The following ZMYND8 variants were observed in gnomAD, a reference collection of about 807,000 sequenced individuals.
ZMYND8 encodes zinc finger MYND-type containing 8, also known as MYND-type zinc finger-containing chromatin reader ZMYND8.
A neutral mutation model predicts 140.8 loss-of-function variants in ZMYND8; 37 were observed. That is an observed-to-expected ratio of 0.26 (90% CI 0.20 to 0.35). The LOEUF (loss-of-function observed/expected upper bound fraction) is 0.35. Ranked by LOEUF, ZMYND8 falls within the 10% of genes least tolerant of loss-of-function variation. The probability of loss-of-function intolerance (pLI) is 1.00; values close to 1 mark genes in which losing one functional copy is unlikely to be tolerated. For synonymous variants in ZMYND8, 592 were observed against 597.1 expected, an observed-to-expected ratio of 0.99 and a Z score of 0.12; for missense variants, 1,068 against 1,570.0, an observed-to-expected ratio of 0.68 and a Z score of 5.40.
At chr20:47,218,101 C>A (rs1034688411) in intron 21 of ZMYND8, among the ~76,000 whole-genome samples, 4 of 152,184 alleles carry the variant, frequency 2.6e-5, no homozygotes, top group Non-Finnish European at 5.9e-5. Context: ...ATGCGGCCTG[C>A]AAAACCTAAA....
At chr20:47,233,006 A>G (rs889306631) in intron 16 of ZMYND8, among the ~76,000 whole-genome samples, 1 of 150,836 alleles carries the variant, frequency 6.6e-6, no homozygotes, top group African/African-American at 2.5e-5. Flanking sequence ...CCCTGGGTTC[A>G]AGCAATTCTC....
chr20:47,318,650 C>T (rs2079620226), intron 2 of ZMYND8: 1 of 447,102 alleles, frequency 2.2e-6, no homozygotes, highest in Non-Finnish European at 4.5e-6. Context: ...CTGACCGTCT[C>T]TTAGACCCAC....
Position 47,220,295 on chromosome 20 carries a change from C to A in ZMYND8, c.3447G>T (p.Thr1149=). The stretch of plus-strand genomic sequence containing the variant: ...TGGAGCCTAAGAGAATGGAGGAGGG[C>A]GTCTCTCTGGAGCCAGAAAGGTCAA... ...STLDLSGSRE[T]PSSILLGSNQ... Residue 1149 remains threonine, a synonymous_variant, in exon 21 of 23, where the codon ACG becomes ACT. Transcript: ENST00000471951. 1 of 1,564,716 alleles carries A rather than the reference C, an allele frequency of 6.4e-7. No individual in the cohort carries two copies. Among genetic ancestry groups the A allele is most frequent in the Non-Finnish European group, 8.7e-7 (1 of 1,153,606 alleles).
rs866661509 is a variant in ZMYND8, at chr20:47,302,212, C to T, written c.235-3265G>A. 1.3e-3 allele frequency among the ~76,000 whole-genome samples: 202 copies of T among 152,270 alleles called. 1 individual carries two copies. The highest frequency in any genetic ancestry group is 9.4e-4 in the African/African-American group (39 of 41,552). On this transcript the variant is annotated intron_variant, in intron 3 of 22. Coordinates refer to ENST00000471951, the MANE Select transcript of ZMYND8 (RefSeq NM_001281775.3). ...TATGTTTAGGCCAGGCGTGGTGGCA[C>T]GCCTGTAATGTCAGCACTTTGGGAG...
chr20:47,236,512 G>C lies in ZMYND8; in HGVS notation c.2670C>G (p.Val890=). Residue 890 remains valine, a synonymous_variant, in exon 16 of 23, where the codon GTC becomes GTG. Coordinates refer to ENST00000471951, the MANE Select transcript of ZMYND8 (RefSeq NM_001281775.3). The part of the protein sequence containing the change: ...RYQTRQAVKA[V]QQKEITQSPS... ...GGCTCTGTGTGATCTCCTTCTGCTG[G>C]ACAGCTAGGAAGGCAAAGCATCCTG... 1 of 1,564,510 alleles carries C rather than the reference G, an allele frequency of 6.4e-7. No individual in the cohort carries two copies. The highest frequency in any genetic ancestry group is 2.3e-5 in the East Asian group (1 of 43,946).
At chr20:47,258,856 C>T (rs2074951737) in intron 12 of ZMYND8, among the ~76,000 whole-genome samples, 1 of 152,192 alleles carries the variant, frequency 6.6e-6, no homozygotes, top group Non-Finnish European at 1.5e-5. Context: ...AGCTGATCCT[C>T]TTCCCGTTAG....
At position 47,235,706 on chromosome 20, in the gene ZMYND8, C is replaced by CAA. The variant is rs199680083; in HGVS notation, c.2856+618_2856+619dup. On this transcript the variant is annotated intron_variant, in intron 16 of 22. Transcript: ENST00000471951. ...TGGGGAACAGAGTGAGACTCCATCT[C>CAA]AAAAAAAAAAAAAAGCACTTGGCAA... Among the ~76,000 whole-genome samples the CAA allele has an allele frequency of 1.3e-3, 138 of 107,500 alleles. 4 individuals carry two copies. In the South Asian group the frequency reaches 0.039, roughly 30 times the overall value. 70.5% of individuals were successfully genotyped at this position (107,500 alleles called of 152,430 possible). A position where few individuals can be genotyped will look rare whatever the true frequency, so the allele number is the denominator to read the frequency against.
chr20:47,307,593 G>C lies in ZMYND8; in HGVS notation c.234+2463C>G, dbSNP rs996263613. Among the ~76,000 whole-genome samples the C allele has an allele frequency of 4.6e-5, 7 of 152,104 alleles. No individual in the cohort carries two copies. The East Asian group carries it at 1.4e-3, about 29-fold the overall frequency. Reference sequence around the variant, plus strand: ...CATCTCTTAAAAAGAGGGTAGGCTGGGCACAGTGGCTCACGCCAGAGGTCA... The same window carrying C: ...CATCTCTTAAAAAGAGGGTAGGCTGCGCACAGTGGCTCACGCCAGAGGTCA... On this transcript the variant is annotated intron_variant, in intron 3 of 22. Transcript: ENST00000471951.
chr20:47,304,967 G>C (rs1349960946), intron 3 of ZMYND8, among the ~76,000 whole-genome samples: 1 of 152,174 alleles, frequency 6.6e-6, no homozygotes, highest in Admixed American at 6.5e-5. Flanking sequence ...TGTGGGCCTA[G>C]TGCAGTGGTT....
In ZMYND8 at chr20:47,220,451, C is replaced by T. The variant is rs2036781034; in HGVS notation, c.3418-127G>A. 3 of 802,844 alleles carry T rather than the reference C, an allele frequency of 3.7e-6. 1 individual carries two copies. The highest frequency in any genetic ancestry group is 2.0e-6 in the Non-Finnish European group (1 of 491,668). 49.7% of individuals were successfully genotyped at this position (802,844 alleles called of 1,614,324 possible). A position where few individuals can be genotyped will look rare whatever the true frequency, so the allele number is the denominator to read the frequency against. ...AAGCATCTCAGTGTCCTCTGCCTGG[C>T]ACGGTCAGGTGGGAGTGATGGGCAC... is the stretch of plus-strand genomic sequence containing the variant. On this transcript the variant is annotated intron_variant, in intron 20 of 22. Coordinates refer to ENST00000471951, the MANE Select transcript of ZMYND8 (RefSeq NM_001281775.3).
At chr20:47,302,636 A>C (rs762396972) in intron 3 of ZMYND8, among the ~76,000 whole-genome samples, 6 of 152,186 alleles carry the variant, frequency 3.9e-5, no homozygotes, top group Non-Finnish European at 5.9e-5. Context: ...TACTTGGTTA[A>C]AGATATTTAT....
At chr20:47,229,860 T>C (rs2038224854) in intron 16 of ZMYND8, 54 bp from the exon 17 acceptor site, 2 of 1,476,196 alleles carry the variant, frequency 1.4e-6, no homozygotes, top group African/African-American at 1.4e-5. Flanking sequence ...AGGCTTTTCC[T>C]GGTGACAAAT....
At chr20:47,261,370 C>T (rs976137352) in intron 12 of ZMYND8, among the ~76,000 whole-genome samples, 1 of 151,866 alleles carries the variant, frequency 6.6e-6, no homozygotes, top group East Asian at 1.9e-4. Flanking sequence ...GACCCAATCA[C>T]TACAAAAAAT....
intron 16 of ZMYND8, among the ~76,000 whole-genome samples, chr20:47,233,073 A>AT (rs1250488683): frequency 6.6e-6 from 1 of 151,678 alleles, no homozygotes; most frequent in African/African-American, 2.4e-5. Context: ...CACCGGGCCA[A>AT]TTTTTGTATT....
At chr20:47,301,412 TC>T (rs1177925378) in intron 3 of ZMYND8, among the ~76,000 whole-genome samples, 1 of 152,106 alleles carries the variant, frequency 6.6e-6, no homozygotes, top group Admixed American at 6.6e-5. Flanking sequence ...CGTCTCTGCC[TC>T]CCAAAGTGCT....
rs115917598 is a variant in ZMYND8 at position 47,242,665 on chromosome 20, A to G, written c.2284+3343T>C. Among the ~76,000 whole-genome samples the G allele has an allele frequency of 2.7e-3, 408 of 152,346 alleles. 3 individuals are homozygous for G. Among genetic ancestry groups the G allele is most frequent in the African/African-American group, 9.5e-3 (393 of 41,574 alleles). The stretch of plus-strand genomic sequence containing the variant: ...CAAAAGCAAACAGCCAGCAGGGCGG[A>G]GGGGTTACTGCTCTGCAGTGATCAC... On this transcript the variant is annotated intron_variant, in intron 14 of 22. Coordinates refer to ENST00000471951, the MANE Select transcript of ZMYND8 (RefSeq NM_001281775.3).
At chr20:47,352,034 T>G (rs1024464853) in intron 1 of ZMYND8, 1 of 982,250 alleles carries the variant, frequency 1.0e-6, no homozygotes, top group Admixed American at 6.2e-5. Context: ...TGAGGCTCTG[T>G]GATGAGGCCC....
At chr20:47,261,660 C>A (rs1379442108) in intron 12 of ZMYND8, among the ~76,000 whole-genome samples, 1 of 152,044 alleles carries the variant, frequency 6.6e-6, no homozygotes, top group Non-Finnish European at 1.5e-5. Context: ...GAGTATGCTG[C>A]ACATAGGAAA....
At chr20:47,339,269 G>A (rs2081636489) in intron 2 of ZMYND8, among the ~76,000 whole-genome samples, 2 of 151,684 alleles carry the variant, frequency 1.3e-5, no homozygotes, top group African/African-American at 2.4e-5. Flanking sequence ...ACAGTGCCCG[G>A]CCCACAATTC....
Sources: gnomAD v4.1 joint callset for allele counts (sites outside exome capture counted in the v4.1 genomes callset) on GRCh38, gnomAD v4.1.1 for gene constraint, MANE v1.5 for transcripts, NCBI Gene and HGNC (gene_info 2026-07-23, HGNC 2026-07-21) for gene names.